MYO3A: variants seen among roughly 807,000 people sequenced by gnomAD.
MYO3A encodes the protein myosin IIIA, also known as myosin-IIIa.
MYO3A carries 180 observed loss-of-function variants against 192.7 expected under a neutral mutation model. The ratio of observed to expected loss-of-function variants is 0.93; its 90% confidence interval spans 0.83 to 1.06. The LOEUF (loss-of-function observed/expected upper bound fraction) is 1.06. Among genes scored for constraint, MYO3A ranks in the 50% least tolerant of loss-of-function variants. The probability of loss-of-function intolerance (pLI) is 0.00; values close to 1 mark genes in which losing one functional copy is unlikely to be tolerated. For synonymous variants in MYO3A, 628 were observed against 645.3 expected, an observed-to-expected ratio of 0.97 and a Z score of 0.41; for missense variants, 1,896 against 1,905.0, an observed-to-expected ratio of 1.00 and a Z score of 0.09.
chr10:25,985,457 CAAGAA>C (rs1243534316), intron 4 of MYO3A, among the ~76,000 whole-genome samples: 1 of 151,470 alleles, frequency 6.6e-6, no homozygotes, highest in Admixed American at 6.6e-5. Context: ...AAAGATTAAC[CAAGAA>C]AAGGAGACAG....
At chr10:26,022,850 G>A (rs1471611155) in intron 8 of MYO3A, 1 of 152,162 alleles carries the variant, frequency 6.6e-6, no homozygotes, top group Non-Finnish European at 1.5e-5. Flanking sequence ...TAGGTAACAG[G>A]CAATGTGCAA....
chr10:25,941,773 C>A (rs1836504251), intron 2 of MYO3A, among the ~76,000 whole-genome samples: 1 of 152,084 alleles, frequency 6.6e-6, no homozygotes, highest in Non-Finnish European at 1.5e-5. Flanking sequence ...TTCTCTCTTA[C>A]CCCAGCTGCT....
chr10:26,049,640 C>G (rs1022351233), intron 10 of MYO3A, among the ~76,000 whole-genome samples: 2 of 149,038 alleles, frequency 1.3e-5, no homozygotes, highest in African/African-American at 4.9e-5. Flanking sequence ...CAGAGTGATG[C>G]AAAGATGAAA....
At chr10:26,010,467 TTTTTG>T (rs1564456853) in intron 6 of MYO3A, among the ~76,000 whole-genome samples, 2 of 143,120 alleles carry the variant, frequency 1.4e-5, no homozygotes, top group Non-Finnish European at 3.0e-5. Context: ...TTTTTTTTTT[TTTTTG>T]TTTTGTTTTT....
chr10:26,158,457 G>C (rs757943858), intron 26 of MYO3A, among the ~76,000 whole-genome samples: 6 of 151,800 alleles, frequency 4.0e-5, no homozygotes, highest in Admixed American at 3.3e-4. Context: ...GGGTTTCACC[G>C]TGTTAGCCAG....
Position 26,154,794 on chromosome 10 carries a change from A to C in MYO3A, c.2764A>C (p.Lys922Gln). Reference sequence around the variant, plus strand: ...TCATGCCAGAGAGACAACCAACATGAAAACACAAACGGTTGCATCATATTT... The same window carrying C: ...TCATGCCAGAGAGACAACCAACATGCAAACACAAACGGTTGCATCATATTT... ...TRHARETTNM[K>Q]TQTVASYFRY... Residue 922 changes from lysine to glutamine, a missense_variant, in exon 25 of 35, where the codon AAA becomes CAA. By Grantham distance (53) the Lys-to-Gln change is moderately conservative. Coordinates refer to ENST00000642920, the MANE Select transcript of MYO3A (RefSeq NM_017433.5). 1 of 1,613,828 alleles carries C rather than the reference A, an allele frequency of 6.2e-7. No homozygotes were observed. Among genetic ancestry groups the C allele is most frequent in the Non-Finnish European group, 8.5e-7 (1 of 1,179,812 alleles).
chr10:26,078,130 C>CTTTTTTTTTTTTTTTTTTTTTTTTTTTT (rs57336459), intron 14 of MYO3A, among the ~76,000 whole-genome samples: 3 of 122,310 alleles, frequency 2.5e-5, no homozygotes, highest in Non-Finnish European at 5.3e-5. Context: ...TGGTCCTGGA[C>CTTTTTTTTTTTTTTTTTTTTTTTTTTTT]TTTTTTTTTT....
intron 31 of MYO3A, among the ~76,000 whole-genome samples, chr10:26,180,829 C>T (rs369423863): frequency 4.6e-5 from 7 of 151,864 alleles, no homozygotes; most frequent in South Asian, 2.1e-4. Context: ...AGATAAAATA[C>T]GGTAAACATG....
chr10:25,995,030 G>T (rs1397055388), intron 4 of MYO3A, among the ~76,000 whole-genome samples: 1 of 152,146 alleles, frequency 6.6e-6, no homozygotes, highest in Non-Finnish European at 1.5e-5. Flanking sequence ...GGCGTTCTCT[G>T]TATTTCCTGA....
intron 34 of MYO3A, among the ~76,000 whole-genome samples, chr10:26,205,762 A>G (rs979905564): frequency 1.5e-3 from 230 of 150,146 alleles, no homozygotes; most frequent in Non-Finnish European, 2.2e-3. Flanking sequence ...GACTACAGGC[A>G]CCCGCCATCA....
At chr10:26,028,787 A>G (rs1842674127) in intron 10 of MYO3A, among the ~76,000 whole-genome samples, 1 of 152,130 alleles carries the variant, frequency 6.6e-6, no homozygotes, top group Admixed American at 6.5e-5. Context: ...TTATGTTCAC[A>G]TTGGTTCTCC....
In MYO3A at chr10:26,019,217, CTATTTATTTATTTATTTATTTATT is replaced by C. The variant is rs201592333; in HGVS notation, c.586-2256_586-2233del. On this transcript the variant is annotated intron_variant, in intron 7 of 34. Transcript: ENST00000642920. ...TGTGGACTGGCCTTTTCTGGTTATT[CTATTTATTTATTTATTTATTTATT>C]TATTTATTTATTTATTTATTTATTT... is the stretch of plus-strand genomic sequence containing the variant. Among the ~76,000 whole-genome samples, 726 of 139,552 alleles carry C rather than the reference CTATTTATTTATTTATTTATTTATT, an allele frequency of 5.2e-3. 6 individuals carry two copies. Among genetic ancestry groups the C allele is most frequent in the African/African-American group, 0.018 (687 of 37,716 alleles). The allele number at this position is 139,552 out of a possible 152,430, so 91.6% of individuals were successfully genotyped here.
At chr10:25,996,446 A>ATG (rs778465675) in intron 4 of MYO3A, 44 bp from the exon 5 acceptor site, 2 of 1,522,436 alleles carry the variant, frequency 1.3e-6, no homozygotes, top group Non-Finnish European at 1.8e-6. Context: ...AGAACATAAA[A>ATG]TGTCACATGT....
At chr10:26,030,712 T>C (rs1191277602) in intron 10 of MYO3A, among the ~76,000 whole-genome samples, 2 of 152,346 alleles carry the variant, frequency 1.3e-5, no homozygotes, top group African/African-American at 4.8e-5. Flanking sequence ...CCTTTAGAAC[T>C]GAAGGTATGT....
At chr10:25,950,278 A>G (rs1837125590) in intron 2 of MYO3A, among the ~76,000 whole-genome samples, 1 of 152,088 alleles carries the variant, frequency 6.6e-6, no homozygotes, top group Non-Finnish European at 1.5e-5. Flanking sequence ...AGGTCAGAAT[A>G]TTAAGGATTT....
rs1273423289 is a variant in MYO3A, at chr10:26,205,951, TCCATTGTGTACATATA to T, written c.4730+2848_4730+2863del. Among the ~76,000 whole-genome samples the T allele has an allele frequency of 6.6e-5, 10 of 151,820 alleles. No homozygotes were observed. In the South Asian group the frequency reaches 2.1e-3, roughly 32 times the overall value. ...TTTCTTTTTTAAGGCAGAAGGGTAT[TCCATTGTGTACATATA>T]CCACATGTTCATTATCCATTCATCC... On this transcript the variant is annotated intron_variant, in intron 34 of 34. Transcript: ENST00000642920.
In MYO3A at chr10:25,996,587, C is replaced by T; in HGVS notation, c.401C>T (p.Ala134Val). ...EPLIAYILHEALMGLQHLHNN... is the reference protein window; with the variant it reads ...EPLIAYILHEVLMGLQHLHNN... Reference sequence around the variant, plus strand: ...CTAATTGCCTATATTTTACATGAAGCACTAATGGTAAGGCAATTTAAATTG... The same window carrying T: ...CTAATTGCCTATATTTTACATGAAGTACTAATGGTAAGGCAATTTAAATTG... Residue 134 changes from alanine (A) to valine (V), a missense_variant, in exon 5 of 35, where the codon GCA (alanine) becomes GTA (valine). By Grantham distance (64) the Ala-to-Val change is moderately conservative. Coordinates refer to ENST00000642920, the MANE Select transcript of MYO3A (RefSeq NM_017433.5). 1 of 1,611,196 alleles carries T rather than the reference C, an allele frequency of 6.2e-7. No homozygotes were observed.
intron 10 of MYO3A, 29 bp from the exon 11 acceptor site, chr10:26,066,946 C>A: frequency 6.6e-7 from 1 of 1,517,286 alleles, no homozygotes; most frequent in South Asian, 1.1e-5. Context: ...GTAATCAATT[C>A]TTAAATCAGA....
At chr10:25,968,522 CTTG>C (rs1373349437) in intron 4 of MYO3A, among the ~76,000 whole-genome samples, 1 of 152,162 alleles carries the variant, frequency 6.6e-6, no homozygotes, top group Non-Finnish European at 1.5e-5. Context: ...TGATTTTATA[CTTG>C]TTGTATCTTT....
Sources: allele counts gnomAD v4.1 joint callset (sites outside exome capture counted in the v4.1 genomes callset), GRCh38; gene constraint gnomAD v4.1.1; transcripts MANE v1.5; gene names NCBI Gene and HGNC (gene_info 2026-07-23, HGNC 2026-07-21).